Variants in KIAA1671 observed in about 807,000 individuals in gnomAD.
The protein encoded by KIAA1671 is KIAA1671.
A neutral mutation model predicts 131.2 loss-of-function variants in KIAA1671; 52 were observed. The ratio of observed to expected loss-of-function variants is 0.40; its 90% CI spans 0.32 to 0.50. The LOEUF (loss-of-function observed/expected upper bound fraction) is 0.50, where lower values mean the gene tolerates loss of function less well. KIAA1671 is among the 20% of genes least tolerant of loss of function. KIAA1671 has a pLI of 0.73. For synonymous variants in KIAA1671, 1,003 were observed against 961.6 expected, an observed-to-expected ratio of 1.04 and a Z score of -0.80; for missense variants, 2,360 against 2,364.2, an observed-to-expected ratio of 1.00 and a Z score of 0.04.
rs1281584122 is a variant in KIAA1671, at chr22:25,009,617, T to C, written c.-207-16016T>C. 3 of 151,212 alleles carry C rather than the reference T, an allele frequency of 2.0e-5. No individual in the cohort carries two copies. The South Asian group carries it at 6.3e-4, about 32-fold the overall frequency. 9.4% of individuals were successfully genotyped at this position (151,212 alleles called of 1,614,324 possible). The stretch of plus-strand genomic sequence containing the variant: ...TTTTTCTTGAGACAGAGTCTCACAT[T>C]GTCGCCCAGGCTGGAGTGCAGTGGT... On this transcript the variant is annotated intron_variant, in intron 1 of 12. Transcript: ENST00000358431.
At chr22:25,010,641 T>G (rs973242324) in intron 1 of KIAA1671, 4 of 152,148 alleles carry the variant, frequency 2.6e-5, no homozygotes, top group Admixed American at 2.6e-4. Context: ...AGTGGCTCCG[T>G]TAAAGGAACC....
At chr22:25,148,238 A>C (rs1363294628) in intron 6 of KIAA1671, among the ~76,000 whole-genome samples, 213 of 87,790 alleles carry the variant, frequency 2.4e-3, no homozygotes, top group Admixed American at 2.8e-3. Flanking sequence ...CAGTCCTGGC[A>C]CCCCCCTCAG....
intron 1 of KIAA1671, among the ~76,000 whole-genome samples, chr22:24,987,627 C>T (rs954896954): frequency 1.3e-5 from 2 of 152,134 alleles, no homozygotes; most frequent in African/African-American, 4.8e-5. Flanking sequence ...CATGCCACCA[C>T]ACCTGGCTAA....
intron 6 of KIAA1671, among the ~76,000 whole-genome samples, chr22:25,118,783 C>T (rs536258235): frequency 1.3e-5 from 2 of 152,250 alleles, no homozygotes; most frequent in East Asian, 3.9e-4. Flanking sequence ...CAGCTCCTAC[C>T]TCTGTCCTTT....
intron 9 of KIAA1671, 36 bp downstream of exon 9, chr22:25,177,558 T>C (rs917290114): frequency 2.2e-5 from 33 of 1,520,130 alleles, no homozygotes; most frequent in African/African-American, 1.8e-4. Context: ...AGATAGCACA[T>C]TGAACAGCAG....
intron 6 of KIAA1671, among the ~76,000 whole-genome samples, chr22:25,092,976 A>T (rs1009481610): frequency 6.6e-6 from 1 of 152,180 alleles, no homozygotes; most frequent in Non-Finnish European, 1.5e-5. Context: ...GCTCAAGGTC[A>T]CCAGCTGAGT....
chr22:24,976,206 T>C (rs2123821550), intron 1 of KIAA1671, among the ~76,000 whole-genome samples: 1 of 152,262 alleles, frequency 6.6e-6, no homozygotes, highest in East Asian at 1.9e-4. Flanking sequence ...CAGTTCCCTG[T>C]TTATGGAGCA....
intron 1 of KIAA1671, among the ~76,000 whole-genome samples, chr22:25,019,916 A>G (rs1925570821): frequency 6.6e-6 from 1 of 152,154 alleles, no homozygotes; most frequent in Admixed American, 6.5e-5. Flanking sequence ...AGCTTTTGTG[A>G]CATTTCCCAT....
chr22:24,984,273 G>A (rs757214068), intron 1 of KIAA1671, among the ~76,000 whole-genome samples: 3 of 152,168 alleles, frequency 2.0e-5, no homozygotes, highest in Non-Finnish European at 4.4e-5. Context: ...CAGATAGGTA[G>A]GGCAGTACTT....
chr22:25,007,223 C>T (rs1924792225), intron 1 of KIAA1671, among the ~76,000 whole-genome samples: 1 of 152,086 alleles, frequency 6.6e-6, no homozygotes, highest in Non-Finnish European at 1.5e-5. Context: ...TGCGGTGGCT[C>T]ACGTCTGTAA....
At chr22:25,156,012 CTTTTTTTTTTTTTTTT>C (rs57822676) in intron 6 of KIAA1671, among the ~76,000 whole-genome samples, 1 of 35,320 alleles carries the variant, frequency 2.8e-5, no homozygotes, top group East Asian at 9.6e-4. Flanking sequence ...TGTGTATGTG[CTTTTTTTTTTTTTTTT>C]TTTTTTTTTT....
rs187735187 is a variant in KIAA1671 at position 25,196,790 on chromosome 22, A to T, written c.*4389A>T. 6.6e-6 allele frequency: 1 copy of T among 151,878 alleles called. No homozygotes were observed. Among genetic ancestry groups the T allele is most frequent in the Non-Finnish European group, 1.5e-5 (1 of 67,980 alleles). The allele number at this position is 151,878 out of a possible 1,614,324, so 9.4% of individuals were successfully genotyped here. ...ACATAGCCTTATAGATCCTGTAAAT[A>T]GGGGGGGTCACAAAAGTAATATATT... On this transcript the variant is annotated 3_prime_UTR_variant, in exon 13 of 13. Coordinates refer to ENST00000358431, the MANE Select transcript of KIAA1671 (RefSeq NM_001145206.2).
intron 5 of KIAA1671, among the ~76,000 whole-genome samples, chr22:25,045,907 A>G (rs1927200779): frequency 6.6e-6 from 1 of 151,072 alleles, no homozygotes; most frequent in Non-Finnish European, 1.5e-5. Flanking sequence ...TCCTCTTTTT[A>G]ATGGTTGCGA....
chr22:25,114,017 A>T (rs1931527312), intron 6 of KIAA1671, among the ~76,000 whole-genome samples: 1 of 152,134 alleles, frequency 6.6e-6, no homozygotes, highest in African/African-American at 2.4e-5. Flanking sequence ...GGGCATTGGC[A>T]TGAATCCCCT....
intron 6 of KIAA1671, among the ~76,000 whole-genome samples, chr22:25,122,184 G>A (rs1404738382): frequency 6.6e-6 from 1 of 152,166 alleles, no homozygotes; most frequent in Admixed American, 6.5e-5. Context: ...GACTCCAGAG[G>A]CGGGGCTCGG....
chr22:25,109,767 A>G (rs1321891153), intron 6 of KIAA1671, among the ~76,000 whole-genome samples: 1 of 152,204 alleles, frequency 6.6e-6, no homozygotes, highest in African/African-American at 2.4e-5. Flanking sequence ...CTTAATCTCT[A>G]TGCAGTGCCT....
chr22:25,087,360 G>T lies in KIAA1671; in HGVS notation c.4530+37996G>T, dbSNP rs1374198021. 2.6e-5 allele frequency among the ~76,000 whole-genome samples: 4 copies of T among 152,184 alleles called. No individual in the cohort carries two copies. The East Asian group carries it at 5.8e-4, about 22-fold the overall frequency. ...AATACTTCGGGAGGCCGAGGTGGTG[G>T]ATTACCTGATCTCAGGAGTTCGAGA... On this transcript the variant is annotated intron_variant, in intron 6 of 12. Coordinates refer to ENST00000358431, the MANE Select transcript of KIAA1671 (RefSeq NM_001145206.2).
chr22:25,040,170 G>A lies in KIAA1671; in HGVS notation c.3040G>A (p.Ala1014Thr). The change falls in exon 5 of 13, where the codon GCA becomes ACA. Residue 1014 changes from alanine (A) to threonine (T), a missense_variant. Around this residue, in one of 3 missense-constraint regions of KIAA1671, gnomAD observed 1,161 missense variants for 1,204.7 expected, o/e 0.96. Transcript: ENST00000358431. Reference protein sequence around the residue: ...PGASRDQTSPAVKQGSPVEPK... With the variant: ...PGASRDQTSPTVKQGSPVEPK... ...TGCTTCACGGGACCAGACTTCCCCA[G>A]CAGTGAAGCAAGGGTCACCTGTGGA... is the stretch of plus-strand genomic sequence containing the variant. The A allele has an allele frequency of 6.4e-7, 1 of 1,551,702 alleles. No individual in the cohort carries two copies. The highest frequency in any genetic ancestry group is 8.7e-7 in the Non-Finnish European group (1 of 1,147,002).
At chr22:25,035,307 A>C (rs1001928460) in intron 4 of KIAA1671, among the ~76,000 whole-genome samples, 27 of 152,146 alleles carry the variant, frequency 1.8e-4, no homozygotes, top group Non-Finnish European at 3.8e-4. Context: ...TTGGCCTCCC[A>C]AAATGCTGGG....
Sources: allele counts gnomAD v4.1 joint callset (sites outside exome capture counted in the v4.1 genomes callset), GRCh38; gene constraint gnomAD v4.1.1; regional missense constraint gnomAD v4.1.1; transcripts MANE v1.5; gene names NCBI Gene and HGNC (gene_info 2026-07-23, HGNC 2026-07-21).